Variants in FHIP1A observed in about 807,000 individuals in gnomAD.
FHIP1A encodes the protein FHF complex subunit HOOK-interacting protein 1A.
A neutral mutation model predicts 88.6 loss-of-function variants in FHIP1A; 61 were observed. That is an observed-to-expected ratio of 0.69 (90% CI 0.56 to 0.85). FHIP1A has a LOEUF of 0.85. Ranked by LOEUF, FHIP1A falls within the 40% of genes least tolerant of loss-of-function variation. FHIP1A has a pLI of 0.00. For missense variants in FHIP1A, 1,154 were observed against 1,273.5 expected, an observed-to-expected ratio of 0.91 and a Z score of 1.43; for synonymous variants, 478 against 496.0, an observed-to-expected ratio of 0.96 and a Z score of 0.48.
intron 2 of FHIP1A, among the ~76,000 whole-genome samples, chr4:151,479,584 G>T (rs903852339): frequency 7.2e-5 from 11 of 151,994 alleles, no homozygotes; most frequent in Admixed American, 2.0e-4. Context: ...TCGTTGGTTG[G>T]TTGGTTAATT....
chr4:151,645,236 G>T (rs1345973727), intron 9 of FHIP1A, among the ~76,000 whole-genome samples: 1 of 152,164 alleles, frequency 6.6e-6, no homozygotes, highest in African/African-American at 2.4e-5. Context: ...GAGGGGATGA[G>T]GACCGCCTTA....
chr4:151,657,077 C>T (rs1737272878), intron 13 of FHIP1A, among the ~76,000 whole-genome samples, 179 bp downstream of exon 13: 1 of 152,224 alleles, frequency 6.6e-6, no homozygotes, highest in East Asian at 1.9e-4. Flanking sequence ...AAAGAAAGGT[C>T]TGCCTTGCTC....
chr4:151,473,266 C>A (rs1729589742), intron 2 of FHIP1A, among the ~76,000 whole-genome samples: 1 of 151,916 alleles, frequency 6.6e-6, no homozygotes, highest in Non-Finnish European at 1.5e-5. Flanking sequence ...AACTACTTTC[C>A]TGTATTAAGC....
intron 1 of FHIP1A, among the ~76,000 whole-genome samples, chr4:151,410,628 C>G (rs1223705678): frequency 6.6e-6 from 1 of 152,186 alleles, no homozygotes; most frequent in Non-Finnish European, 1.5e-5. Context: ...CACTTGTACA[C>G]CTGGCACTAG....
intron 1 of FHIP1A, among the ~76,000 whole-genome samples, chr4:151,432,582 A>G (rs1261731861): frequency 6.6e-6 from 1 of 152,204 alleles, no homozygotes; most frequent in Non-Finnish European, 1.5e-5. Flanking sequence ...AGATTGCAAA[A>G]ATTAGTTAAG....
At chr4:151,498,704 A>G (rs1471909117) in intron 3 of FHIP1A, among the ~76,000 whole-genome samples, 1 of 152,014 alleles carries the variant, frequency 6.6e-6, no homozygotes, top group Non-Finnish European at 1.5e-5. Context: ...AGTCCCAGCT[A>G]CTCGGGAGGC....
chr4:151,455,597 G>C (rs2126589566), intron 2 of FHIP1A, among the ~76,000 whole-genome samples: 1 of 152,254 alleles, frequency 6.6e-6, no homozygotes, highest in Middle Eastern at 3.4e-3. Context: ...TCATATTTTG[G>C]AAGTTCAGAG....
At chr4:151,533,827 AATATATGAGCATTTT>A (rs1384400851) in intron 3 of FHIP1A, among the ~76,000 whole-genome samples, 2 of 152,190 alleles carry the variant, frequency 1.3e-5, no homozygotes, top group Admixed American at 6.5e-5. Flanking sequence ...AACCGTGATG[AATATATGAGCATTTT>A]TAATTAGTCT....
chr4:151,529,580 G>C (rs185123900), intron 3 of FHIP1A, among the ~76,000 whole-genome samples: 1 of 152,300 alleles, frequency 6.6e-6, no homozygotes, highest in African/African-American at 2.4e-5. Context: ...GTGACTAGCA[G>C]GTTGATGGTG....
chr4:151,518,623 A>G (rs562031102), intron 3 of FHIP1A, among the ~76,000 whole-genome samples: 1 of 117,504 alleles, frequency 8.5e-6, no homozygotes, highest in African/African-American at 3.1e-5. Context: ...GCTTTGTCAC[A>G]TAACTATCCA....
chr4:151,526,090 A>G (rs1354392703), intron 3 of FHIP1A, among the ~76,000 whole-genome samples: 1 of 152,228 alleles, frequency 6.6e-6, no homozygotes, highest in African/African-American at 2.4e-5. Flanking sequence ...TCACAGTTCA[A>G]CAGGATCCCA....
In FHIP1A at chr4:151,624,083, G is replaced by A. The variant is rs373987069; in HGVS notation, c.979-5619G>A. On this transcript the variant is annotated intron_variant, in intron 7 of 13. Transcript: ENST00000435205. ...GCCATTCCTGATATGTTCCCATTGC[G>A]AGGAGGTATAGGAAAAGTTAGGAAC... Among the ~76,000 whole-genome samples the A allele has an allele frequency of 5.9e-5, 9 of 152,278 alleles. No homozygotes were observed. The East Asian group carries it at 1.2e-3, about 20-fold the overall frequency.
chr4:151,580,996 T>A (rs930959817), intron 5 of FHIP1A, among the ~76,000 whole-genome samples: 8 of 152,220 alleles, frequency 5.3e-5, no homozygotes, highest in African/African-American at 1.9e-4. Context: ...TAGCTGGGAC[T>A]ACAGGCGTGT....
chr4:151,531,031 C>A (rs1457246353), intron 3 of FHIP1A, among the ~76,000 whole-genome samples: 1 of 152,110 alleles, frequency 6.6e-6, no homozygotes, highest in African/African-American at 2.4e-5. Flanking sequence ...AGCCTTAATG[C>A]ATGGTCTTTT....
In FHIP1A at chr4:151,666,484, A is replaced by G. The variant is rs1737670586; in HGVS notation, c.*3730A>G. 6.6e-6 allele frequency among the ~76,000 whole-genome samples: 1 copy of G among 152,194 alleles called. No homozygotes were observed. Among genetic ancestry groups the G allele is most frequent in the Non-Finnish European group, 1.5e-5 (1 of 68,036 alleles). ...CAGGTGGATTTTATTTAGGTCAGATATAGTTAGTTTCTGTCCAGGATAAGA... is the reference window on the plus strand; with the variant it reads ...CAGGTGGATTTTATTTAGGTCAGATGTAGTTAGTTTCTGTCCAGGATAAGA... On this transcript the variant is annotated 3_prime_UTR_variant, in exon 14 of 14. Transcript: ENST00000435205.
chr4:151,633,018 C>T (rs963262393), intron 8 of FHIP1A, among the ~76,000 whole-genome samples: 1 of 151,752 alleles, frequency 6.6e-6, no homozygotes, highest in African/African-American at 2.4e-5. Context: ...ACCAATGAAA[C>T]CAAGACTTGG....
intron 7 of FHIP1A, among the ~76,000 whole-genome samples, chr4:151,608,956 G>A (rs1049516664): frequency 2.0e-5 from 3 of 152,114 alleles, no homozygotes; most frequent in South Asian, 2.1e-4. Context: ...AATGTGTTTC[G>A]GCCTCTAATG....
intron 1 of FHIP1A, among the ~76,000 whole-genome samples, chr4:151,424,134 G>A (rs1327484950): frequency 4.6e-5 from 7 of 152,152 alleles, no homozygotes; most frequent in African/African-American, 1.7e-4. Flanking sequence ...GCAAGCCAGA[G>A]ATCACCCAGA....
intron 3 of FHIP1A, among the ~76,000 whole-genome samples, chr4:151,508,426 G>A (rs1730907144): frequency 6.6e-6 from 1 of 152,094 alleles, no homozygotes; most frequent in Non-Finnish European, 1.5e-5. Flanking sequence ...TTAGTCTCTT[G>A]CCTTGAGCTG....
Sources: allele counts gnomAD v4.1 joint callset (sites outside exome capture counted in the v4.1 genomes callset), GRCh38; gene constraint gnomAD v4.1.1; transcripts MANE v1.5; gene names NCBI Gene and HGNC (gene_info 2026-07-23, HGNC 2026-07-21).